FAM184B: variants seen among roughly 807,000 people sequenced by gnomAD.
The protein encoded by FAM184B is protein FAM184B.
FAM184B carries 111 observed loss-of-function variants against 135.9 expected under a neutral mutation model. The ratio of observed to expected loss-of-function variants is 0.82; its 90% confidence interval spans 0.70 to 0.96. The LOEUF (loss-of-function observed/expected upper bound fraction) is 0.96. Among genes scored for constraint, FAM184B ranks in the 40% least tolerant of loss-of-function variants. The pLI is 0.00. For synonymous variants in FAM184B, 552 were observed against 524.8 expected (o/e 1.05, Z -0.71); for missense variants, 1,375 against 1,323.9 (o/e 1.04, Z -0.60).
intron 11 of FAM184B, among the ~76,000 whole-genome samples, chr4:17,651,096 C>G (rs1715603264): frequency 6.6e-6 from 1 of 152,136 alleles, no homozygotes; most frequent in Non-Finnish European, 1.5e-5. Flanking sequence ...ATAAAGCCAA[C>G]ATGATCTTTA....
At chr4:17,693,885 G>A (rs1324141854) in intron 5 of FAM184B, among the ~76,000 whole-genome samples, 1 of 152,188 alleles carries the variant, frequency 6.6e-6, no homozygotes, top group Non-Finnish European at 1.5e-5. Flanking sequence ...GCTGAGGCAA[G>A]TGGATTGCTT....
chr4:17,685,833 G>A (rs1452932940), intron 7 of FAM184B, among the ~76,000 whole-genome samples: 1 of 152,186 alleles, frequency 6.6e-6, no homozygotes, highest in Non-Finnish European at 1.5e-5. Flanking sequence ...CAACCCCAGA[G>A]TCAAGTGCTG....
At chr4:17,685,223 C>T (rs1359034278) in intron 7 of FAM184B, among the ~76,000 whole-genome samples, 1 of 145,020 alleles carries the variant, frequency 6.9e-6, no homozygotes, top group Non-Finnish European at 1.5e-5. Context: ...AAAAAAGAAA[C>T]CGAACTCATT....
intron 1 of FAM184B, among the ~76,000 whole-genome samples, chr4:17,776,634 C>G (rs1718932383): frequency 6.6e-6 from 1 of 152,176 alleles, no homozygotes; most frequent in Non-Finnish European, 1.5e-5. Context: ...TCAGGTGATC[C>G]ACCTGACTCG....
intron 10 of FAM184B, among the ~76,000 whole-genome samples, chr4:17,655,256 A>G (rs1052963688): frequency 1.3e-5 from 2 of 152,196 alleles, no homozygotes; most frequent in African/African-American, 4.8e-5. Context: ...TGACATGTTT[A>G]TCCCCAGGGA....
At chr4:17,762,878 T>C (rs892311634) in intron 1 of FAM184B, among the ~76,000 whole-genome samples, 2 of 152,176 alleles carry the variant, frequency 1.3e-5, no homozygotes, top group African/African-American at 4.8e-5. Context: ...CAGCAGGGGA[T>C]GCTGCTGAAT....
At chr4:17,749,092 C>T (rs1449178926) in intron 1 of FAM184B, among the ~76,000 whole-genome samples, 1 of 151,306 alleles carries the variant, frequency 6.6e-6, no homozygotes, top group East Asian at 1.9e-4. Flanking sequence ...CTTCAACCTC[C>T]TGAGTAGCTG....
intron 1 of FAM184B, among the ~76,000 whole-genome samples, chr4:17,763,245 C>G (rs898228634): frequency 6.6e-6 from 1 of 152,096 alleles, no homozygotes; most frequent in Non-Finnish European, 1.5e-5. Context: ...ATGAGATTCT[C>G]TAAATTGGGT....
chr4:17,720,609 G>A (rs1315362722), intron 1 of FAM184B, among the ~76,000 whole-genome samples: 4 of 151,974 alleles, frequency 2.6e-5, no homozygotes, highest in Non-Finnish European at 5.9e-5. Context: ...AACATAGGGC[G>A]AGGCGCGGTG....
At chr4:17,648,355 AT>A (rs113298578) in intron 11 of FAM184B, among the ~76,000 whole-genome samples, 4 of 149,800 alleles carry the variant, frequency 2.7e-5, no homozygotes, top group African/African-American at 9.8e-5. Flanking sequence ...ACTCTTTTTT[AT>A]TTTTTTTTGA....
rs550630457 is a variant in FAM184B, at chr4:17,666,946, T to A, written c.1597-2287A>T. Among the ~76,000 whole-genome samples the A allele has an allele frequency of 4.1e-5, 6 of 147,026 alleles. 1 individual carries two copies. The South Asian group carries it at 1.3e-3, about 31-fold the overall frequency. ...CTTGCCCTACACCCACTTTTTTTTT[T>A]GTTTTTTTGTTTTTTTGTTTTTTGT... On this transcript the variant is annotated intron_variant, in intron 7 of 17. Coordinates refer to ENST00000265018, the MANE Select transcript of FAM184B (RefSeq NM_015688.2).
chr4:17,644,083 C>T (rs899560364), intron 12 of FAM184B, among the ~76,000 whole-genome samples: 1 of 152,096 alleles, frequency 6.6e-6, no homozygotes, highest in Non-Finnish European at 1.5e-5. Flanking sequence ...GTGGCACAGG[C>T]GAAGGCCAAA....
intron 7 of FAM184B, among the ~76,000 whole-genome samples, chr4:17,668,943 A>G (rs1055961548): frequency 6.6e-6 from 1 of 152,364 alleles, no homozygotes; most frequent in South Asian, 2.1e-4. Context: ...TCTGCCTTGT[A>G]CTGTTATAGG....
At chr4:17,699,149 T>G (rs992380757) in intron 5 of FAM184B, among the ~76,000 whole-genome samples, 1 of 152,028 alleles carries the variant, frequency 6.6e-6, no homozygotes, top group African/African-American at 2.4e-5. Flanking sequence ...TTAAAAAGAT[T>G]AGATGGTACA....
Position 17,635,101 on chromosome 4 carries a change from A to G in FAM184B, c.2797T>C (p.Phe933Leu). Residue 933 changes from phenylalanine to leucine, a missense_variant, in exon 16 of 18, where the codon TTT becomes CTT. Coordinates refer to ENST00000265018, the MANE Select transcript of FAM184B (RefSeq NM_015688.2). Reference sequence around the variant, plus strand: ...GCACTGGGGAATGCTGCGTAGTGAAATCTTCTCTCTTCCTAGAAAACCAAT... The same window carrying G: ...GCACTGGGGAATGCTGCGTAGTGAAGTCTTCTCTCTTCCTAGAAAACCAAT... ...IIKQLTEERR[F>L]HYAAFPSAMS... is the part of the protein sequence containing the mutation. The G allele has an allele frequency of 3.9e-6, 6 of 1,551,538 alleles. No homozygotes were observed. The highest frequency in any genetic ancestry group is 1.2e-5 in the South Asian group (1 of 84,056).
At chr4:17,659,507 G>A (rs1158128313) in intron 9 of FAM184B, among the ~76,000 whole-genome samples, 2 of 151,642 alleles carry the variant, frequency 1.3e-5, no homozygotes, top group Non-Finnish European at 2.9e-5. Flanking sequence ...TTCTTTTTGA[G>A]ACAGAGTCTT....
chr4:17,678,124 C>T (rs957826750), intron 7 of FAM184B, among the ~76,000 whole-genome samples: 2 of 152,098 alleles, frequency 1.3e-5, no homozygotes, highest in Non-Finnish European at 2.9e-5. Flanking sequence ...ACAAGGTTGC[C>T]CACTCTCACC....
At position 17,751,823 on chromosome 4, in the gene FAM184B, G is replaced by GCACACACACACACACACACA. The variant is rs3222789; in HGVS notation, c.141+29316_141+29335dup. Among the ~76,000 whole-genome samples the GCACACACACACACACACACA allele has an allele frequency of 4.7e-3, 548 of 115,886 alleles. 18 individuals carry two copies. Among genetic ancestry groups the GCACACACACACACACACACA allele is most frequent in the East Asian group, 6.7e-3 (24 of 3,590 alleles). 76.0% of individuals were successfully genotyped at this position (115,886 alleles called of 152,430 possible). A position where few individuals can be genotyped will look rare whatever the true frequency, so the allele number is the denominator to read the frequency against. On this transcript the variant is annotated intron_variant, in intron 1 of 17. Coordinates refer to ENST00000265018, the MANE Select transcript of FAM184B (RefSeq NM_015688.2). ...GGCTGATTCTGGCCCTAAAAACAAG[G>GCACACACACACACACACACA]CACACACACACACACACACACACAC... is the stretch of plus-strand genomic sequence containing the variant.
At chr4:17,740,610 G>C (rs1306426652) in intron 1 of FAM184B, among the ~76,000 whole-genome samples, 1 of 152,202 alleles carries the variant, frequency 6.6e-6, no homozygotes, top group Non-Finnish European at 1.5e-5. Flanking sequence ...GAGAGCTGCT[G>C]TCAGGTGGGC....
Sources: gnomAD v4.1 joint callset for allele counts (sites outside exome capture counted in the v4.1 genomes callset) on GRCh38, gnomAD v4.1.1 for gene constraint, MANE v1.5 for transcripts, NCBI Gene and HGNC (gene_info 2026-07-23, HGNC 2026-07-21) for gene names.